TBC1D2: variants seen among roughly 807,000 people sequenced by gnomAD.
TBC1D2 encodes the protein TBC1 domain family member 2.
In TBC1D2, 58 loss-of-function variants were observed where a neutral mutation model predicts 91.1. That is an observed-to-expected ratio of 0.64 (90% CI 0.52 to 0.79). The LOEUF (loss-of-function observed/expected upper bound fraction) is 0.79, where lower values mean the gene tolerates loss of function less well. Among genes scored for constraint, TBC1D2 ranks in the 30% least tolerant of loss-of-function variants. The pLI, the probability that TBC1D2 is intolerant of heterozygous loss-of-function variation, is 0.00. For synonymous variants in TBC1D2, 482 were observed against 511.5 expected (o/e 0.94, Z 0.78); for missense variants, 1,080 against 1,208.3 (o/e 0.89, Z 1.57).
intron 7 of TBC1D2, 98 bp downstream of exon 7, chr9:98,213,010 G>A: frequency 1.5e-6 from 2 of 1,339,774 alleles, no homozygotes; most frequent in Admixed American, 1.8e-5. Flanking sequence ...AGGGAGAGGG[G>A]CAGACAGGAA....
chr9:98,251,733 C>T (rs1233062175), intron 2 of TBC1D2, 52 bp downstream of exon 2: 19 of 1,511,834 alleles, frequency 1.3e-5, no homozygotes, highest in Non-Finnish European at 1.7e-5. Context: ...AGGGTAAAGG[C>T]TTAATCACCA....
At chr9:98,221,488 A>C (rs971423761) in intron 5 of TBC1D2, among the ~76,000 whole-genome samples, 5 of 152,134 alleles carry the variant, frequency 3.3e-5, no homozygotes, top group Non-Finnish European at 7.3e-5. Flanking sequence ...CCTAAATGGG[A>C]AATGAAAAGT....
At chr9:98,253,166 A>C (rs570647172) in intron 1 of TBC1D2, among the ~76,000 whole-genome samples, 35 of 152,268 alleles carry the variant, frequency 2.3e-4, no homozygotes, top group African/African-American at 8.2e-4. Flanking sequence ...GGGTGAGCCA[A>C]CACACATGGT....
At chr9:98,209,853 G>C (rs1303917351) in intron 8 of TBC1D2, among the ~76,000 whole-genome samples, 1 of 140,764 alleles carries the variant, frequency 7.1e-6, no homozygotes, top group African/African-American at 2.7e-5. Context: ...TTTCTTTTCA[G>C]GGCCTCACTC....
intron 6 of TBC1D2, among the ~76,000 whole-genome samples, chr9:98,216,381 G>T (rs12347046): frequency 0.15 from 22,541 of 147,084 alleles, 2,098 homozygotes; most frequent in African/African-American, 0.25. Context: ...AAGCCCCCCC[G>T]CAAGGGAGGA....
chr9:98,203,318 A>T lies in TBC1D2; in HGVS notation c.2241T>A (p.Asp747Glu). 1.9e-6 allele frequency: 3 copies of T among 1,614,200 alleles called. No individual in the cohort carries two copies. Among genetic ancestry groups the T allele is most frequent in the Non-Finnish European group, 2.5e-6 (3 of 1,180,036 alleles). ...ATGCCGTCAGCGTGTTGCAGTAGTAATCAGCGGGCATGATGGTCTCCACAA... is the reference window on the plus strand; with the variant it reads ...ATGCCGTCAGCGTGTTGCAGTAGTATTCAGCGGGCATGATGGTCTCCACAA... ...VAIVETIMPA[D>E]YYCNTLTASQ... The change falls in exon 10 of 13, where the codon GAT becomes GAA. Residue 747 changes from aspartate to glutamate, a missense_variant. Transcript: ENST00000465784.
At chr9:98,200,162 ATC>A in intron 12 of TBC1D2, 89 bp downstream of exon 12, 1 of 1,549,274 alleles carries the variant, frequency 6.5e-7, no homozygotes, top group South Asian at 1.2e-5. Flanking sequence ...TCACTTACCA[ATC>A]TCTACTTGGC....
At chr9:98,217,513 T>C (rs931659967) in intron 6 of TBC1D2, among the ~76,000 whole-genome samples, 22 of 152,324 alleles carry the variant, frequency 1.4e-4, no homozygotes, top group African/African-American at 4.8e-4. Flanking sequence ...CCAGATCTGA[T>C]ATTCAAGAGG....
chr9:98,242,626 A>G (rs1184798932), intron 3 of TBC1D2, among the ~76,000 whole-genome samples: 1 of 152,146 alleles, frequency 6.6e-6, no homozygotes, highest in Non-Finnish European at 1.5e-5. Flanking sequence ...GGCTGCATGC[A>G]TTAAACGATT....
At chr9:98,216,708 CTTTT>C (rs758854952) in intron 6 of TBC1D2, among the ~76,000 whole-genome samples, 2 of 152,028 alleles carry the variant, frequency 1.3e-5, no homozygotes, top group Admixed American at 6.6e-5. Flanking sequence ...ATTTTTCTTT[CTTTT>C]TTTATTTTTA....
intron 6 of TBC1D2, among the ~76,000 whole-genome samples, chr9:98,219,602 G>A (rs1025305172): frequency 1.3e-5 from 2 of 152,188 alleles, no homozygotes; most frequent in Non-Finnish European, 2.9e-5. Flanking sequence ...GTAGCCTATT[G>A]CTCCGAGGCT....
intron 6 of TBC1D2, among the ~76,000 whole-genome samples, chr9:98,215,554 C>G (rs1206017767): frequency 6.6e-6 from 1 of 152,202 alleles, no homozygotes; most frequent in Non-Finnish European, 1.5e-5. Flanking sequence ...GTCGCCCAAG[C>G]TGGAGTACAG....
At chr9:98,249,352 G>A (rs1244150940) in intron 2 of TBC1D2, among the ~76,000 whole-genome samples, 2 of 152,148 alleles carry the variant, frequency 1.3e-5, no homozygotes, top group African/African-American at 4.8e-5. Context: ...GAAGAGGCCC[G>A]CCGTGTGTGC....
At chr9:98,204,661 T>C (rs908610660) in intron 9 of TBC1D2, among the ~76,000 whole-genome samples, 1 of 152,230 alleles carries the variant, frequency 6.6e-6, no homozygotes, top group Non-Finnish European at 1.5e-5. Context: ...CCCTTCTCTT[T>C]CCCCAGTAGA....
At chr9:98,238,286 T>C (rs1307766130) in intron 3 of TBC1D2, among the ~76,000 whole-genome samples, 1 of 137,094 alleles carries the variant, frequency 7.3e-6, no homozygotes, top group Non-Finnish European at 1.5e-5. Flanking sequence ...TGTTTGGTGT[T>C]TTCAGAGCAC....
chr9:98,249,977 AC>A (rs34579026), intron 2 of TBC1D2, among the ~76,000 whole-genome samples: 1 of 152,044 alleles, frequency 6.6e-6, no homozygotes, highest in South Asian at 2.1e-4. Context: ...AAAAGTCCCC[AC>A]CCTTAAGGGC....
chr9:98,244,189 AG>A, intron 2 of TBC1D2, 60 bp from the exon 3 acceptor site: 2 of 1,598,804 alleles, frequency 1.3e-6, no homozygotes, highest in Non-Finnish European at 1.7e-6. Context: ...AAGACAGGTC[AG>A]GTGGGATGCT....
chr9:98,224,346 A>G (rs960252833), intron 5 of TBC1D2, among the ~76,000 whole-genome samples: 1 of 147,406 alleles, frequency 6.8e-6, no homozygotes, highest in African/African-American at 2.5e-5. Context: ...GCAGTGGCGC[A>G]ATCACGGCCC....
At chr9:98,233,700 C>T in intron 3 of TBC1D2, 151 bp from the exon 4 acceptor site, 1 of 1,149,432 alleles carries the variant, frequency 8.7e-7, no homozygotes, top group Non-Finnish European at 1.2e-6. Context: ...TACATGATGC[C>T]TCCCCATGCA....
Sources: allele counts gnomAD v4.1 joint callset (sites outside exome capture counted in the v4.1 genomes callset), GRCh38; gene constraint gnomAD v4.1.1; transcripts MANE v1.5; gene names NCBI Gene and HGNC (gene_info 2026-07-23, HGNC 2026-07-21).